The following PTPRD variants were observed in gnomAD, a reference collection of about 807,000 sequenced individuals.
PTPRD encodes the protein receptor-type tyrosine-protein phosphatase delta.
Under a neutral mutation model 214.5 loss-of-function variants are expected in PTPRD, and 34 were observed. The ratio of observed to expected loss-of-function variants is 0.16; its 90% CI spans 0.12 to 0.21. PTPRD has a LOEUF of 0.21. Among genes scored for constraint, PTPRD ranks in the 10% least tolerant of loss-of-function variants. The pLI, the probability that PTPRD is intolerant of heterozygous loss-of-function variation, is 1.00. For synonymous variants in PTPRD, 1,128 were observed against 845.7 expected, an observed-to-expected ratio of 1.33 and a Z score of -5.79; for missense variants, 2,545 against 2,398.7, an observed-to-expected ratio of 1.06 and a Z score of -1.27.
chr9:8,663,896 TAA>T (rs58779294), intron 12 of PTPRD, among the ~76,000 whole-genome samples: 150 of 145,200 alleles, frequency 1.0e-3, no homozygotes, highest in East Asian at 8.6e-3. Context: ...CAAAGTGCAT[TAA>T]AAAAAAAAAA....
chr9:9,251,706 G>T (rs899747869), intron 9 of PTPRD, among the ~76,000 whole-genome samples: 4 of 151,982 alleles, frequency 2.6e-5, no homozygotes, highest in African/African-American at 9.7e-5. Context: ...TTGTGTCCTG[G>T]ATAAATAGCA....
chr9:10,245,474 C>T (rs977416987), intron 3 of PTPRD, among the ~76,000 whole-genome samples: 3 of 152,142 alleles, frequency 2.0e-5, no homozygotes, highest in African/African-American at 7.2e-5. Context: ...TCAATTAATA[C>T]TCACTGATGG....
chr9:10,576,610 G>T (rs1018026618), intron 2 of PTPRD, among the ~76,000 whole-genome samples: 4 of 152,082 alleles, frequency 2.6e-5, no homozygotes, highest in African/African-American at 9.7e-5. Context: ...TTTCTTCCCT[G>T]CTAAACGATT....
intron 9 of PTPRD, among the ~76,000 whole-genome samples, chr9:9,204,853 A>G (rs1282760948): frequency 6.6e-6 from 1 of 152,168 alleles, no homozygotes; most frequent in Non-Finnish European, 1.5e-5. Flanking sequence ...TCAAATTATT[A>G]TCATTATTAT....
Position 9,707,686 on chromosome 9 carries a change from T to C in PTPRD, c.-287+26847A>G, listed in dbSNP as rs527754251. ...AGCTTTTTCCTTTAAAATACAACTTTTTTCTAAAATGTATAAAATACTTAA... is the reference window on the plus strand; with the variant it reads ...AGCTTTTTCCTTTAAAATACAACTTCTTTCTAAAATGTATAAAATACTTAA... On this transcript the variant is annotated intron_variant, in intron 7 of 45. Transcript: ENST00000381196. Among the ~76,000 whole-genome samples, 3 of 152,284 alleles carry C rather than the reference T, an allele frequency of 2.0e-5. No homozygotes were observed. The East Asian group carries it at 5.8e-4, about 29-fold the overall frequency.
At position 8,340,584 on chromosome 9, in the gene PTPRD, C is replaced by T; in HGVS notation, c.5127-115G>A. On this transcript the variant is annotated intron_variant, in intron 41 of 45. Transcript: ENST00000381196. ...AAAAAACGAAAACATATTATTAATG[C>T]AATTGAGGTAAATTCCTGCTAAGAT... 2.9e-6 allele frequency: 3 copies of T among 1,026,936 alleles called. No individual in the cohort carries two copies. The East Asian group carries it at 7.7e-5, about 26-fold the overall frequency. 63.6% of individuals were successfully genotyped at this position (1,026,936 alleles called of 1,614,324 possible). A position where few individuals can be genotyped will look rare whatever the true frequency, so the allele number is the denominator to read the frequency against.
chr9:8,922,107 T>A (rs1588082434), intron 11 of PTPRD, among the ~76,000 whole-genome samples: 1 of 152,220 alleles, frequency 6.6e-6, no homozygotes. Flanking sequence ...TTTATTCTTT[T>A]AAATCTTCAT....
chr9:9,575,889 T>G (rs1591996438), intron 7 of PTPRD, among the ~76,000 whole-genome samples: 1 of 152,008 alleles, frequency 6.6e-6, no homozygotes, highest in South Asian at 2.1e-4. Flanking sequence ...GTTTAATGCT[T>G]GATAGATACT....
chr9:10,031,645 T>TACACACACAC (rs1466329705), intron 4 of PTPRD, among the ~76,000 whole-genome samples: 2 of 69,052 alleles, frequency 2.9e-5, no homozygotes, highest in East Asian at 1.5e-3. Flanking sequence ...TATATATATA[T>TACACACACAC]ATACACACAC....
At chr9:9,556,304 G>A (rs2081495001) in intron 8 of PTPRD, among the ~76,000 whole-genome samples, 1 of 152,156 alleles carries the variant, frequency 6.6e-6, no homozygotes, top group South Asian at 2.1e-4. Flanking sequence ...GTTGAAGAAA[G>A]GAGGAAGAGG....
At chr9:8,387,916 G>C (rs922876289) in intron 37 of PTPRD, among the ~76,000 whole-genome samples, 3 of 152,200 alleles carry the variant, frequency 2.0e-5, no homozygotes, top group Admixed American at 6.5e-5. Context: ...GTTACCTTAA[G>C]TACAAATCAG....
intron 7 of PTPRD, among the ~76,000 whole-genome samples, chr9:9,699,865 T>C (rs1382544960): frequency 6.6e-6 from 1 of 152,204 alleles, no homozygotes; most frequent in Non-Finnish European, 1.5e-5. Context: ...GCATACCAGC[T>C]GCTCATTTAA....
intron 12 of PTPRD, among the ~76,000 whole-genome samples, chr9:8,656,288 T>C (rs1596223182): frequency 6.6e-6 from 1 of 152,202 alleles, no homozygotes; most frequent in Non-Finnish European, 1.5e-5. Context: ...TGTGTATTTG[T>C]TAAGACTATT....
rs569357894 is a variant in PTPRD, at chr9:8,704,758, C to CAAAAAAAAA, written c.64+29013_64+29021dup. ...TCTGGCCAAATCTCTACTAAAAATA[C>CAAAAAAAAA]AAAAAAAAAAAAATTAGCCGGGTGT... On this transcript the variant is annotated intron_variant, in intron 12 of 45. Transcript: ENST00000381196. Among the ~76,000 whole-genome samples the CAAAAAAAAA allele has an allele frequency of 7.2e-3, 989 of 137,792 alleles. 7 individuals are homozygous for CAAAAAAAAA. The highest frequency in any genetic ancestry group is 0.019 in the Middle Eastern group (5 of 266). The allele number at this position is 137,792 out of a possible 152,430, so 90.4% of individuals were successfully genotyped here. A position where few individuals can be genotyped will look rare whatever the true frequency, so the allele number is the denominator to read the frequency against.
intron 42 of PTPRD, among the ~76,000 whole-genome samples, chr9:8,339,490 G>T (rs938313018): frequency 6.6e-6 from 1 of 152,100 alleles, no homozygotes; most frequent in African/African-American, 2.4e-5. Flanking sequence ...AGAAACCTCC[G>T]AATTGATTTG....
chr9:9,769,297 CTATG>C (rs2098732365), intron 5 of PTPRD, among the ~76,000 whole-genome samples: 1 of 128,878 alleles, frequency 7.8e-6, no homozygotes, highest in Admixed American at 7.7e-5. Context: ...ATTTTGTAAA[CTATG>C]TTTTAACCAG....
At chr9:10,260,404 C>G (rs554057563) in intron 3 of PTPRD, among the ~76,000 whole-genome samples, 3 of 152,166 alleles carry the variant, frequency 2.0e-5, no homozygotes, top group Non-Finnish European at 4.4e-5. Context: ...TACTCCAGGT[C>G]TCAGTTTTTT....
At chr9:8,670,049 C>A in intron 12 of PTPRD, among the ~76,000 whole-genome samples, 1 of 150,602 alleles carries the variant, frequency 6.6e-6, no homozygotes, top group Non-Finnish European at 1.5e-5. Flanking sequence ...TCAAGTAAGA[C>A]AAGTGAGTAA....
At chr9:9,325,928 T>G (rs1969869155) in intron 9 of PTPRD, among the ~76,000 whole-genome samples, 1 of 152,208 alleles carries the variant, frequency 6.6e-6, no homozygotes, top group African/African-American at 2.4e-5. Context: ...GTCAAAGGCC[T>G]TTTCTGCTTC....
Sources: allele counts gnomAD v4.1 joint callset (sites outside exome capture counted in the v4.1 genomes callset), GRCh38; gene constraint gnomAD v4.1.1; transcripts MANE v1.5; gene names NCBI Gene and HGNC (gene_info 2026-07-23, HGNC 2026-07-21).